The following HINT1 variants were observed in gnomAD, a reference collection of about 807,000 sequenced individuals.
HINT1 encodes the protein adenosine 5'-monophosphoramidase HINT1.
In HINT1, 12 loss-of-function variants were observed where a neutral mutation model predicts 11.2. That is an observed-to-expected ratio of 1.07 (90% CI 0.69 to 1.74). HINT1 has a LOEUF of 1.74. Ranked by LOEUF, HINT1 falls within the 40% of genes most tolerant of loss-of-function variation. The probability of loss-of-function intolerance (pLI) is 0.00; values close to 1 mark genes in which losing one functional copy is unlikely to be tolerated. For missense variants in HINT1, 150 were observed against 161.8 expected, an observed-to-expected ratio of 0.93 and a Z score of 0.40; for synonymous variants, 42 against 52.6, an observed-to-expected ratio of 0.80 and a Z score of 0.87.
rs2149654884 is a variant in HINT1, at chr5:131,165,106, CA to C, written c.99del (p.Phe33LeufsTer22). 1 of 1,613,728 alleles carries C rather than the reference CA, an allele frequency of 6.2e-7. No homozygotes were observed. Among genetic ancestry groups the C allele is most frequent in the Non-Finnish European group, 8.5e-7 (1 of 1,179,912 alleles). ...IRKEIPAKII[F>X]EDDRCLAFHD... ...TGCCCAGTACCTACCCGGTCATCCTCAAAAATGATTTTGGCTGGTATTTCCT... is the reference window on the plus strand; with the variant it reads ...TGCCCAGTACCTACCCGGTCATCCTCAAAATGATTTTGGCTGGTATTTCCT... On this transcript the variant is annotated frameshift_variant, in exon 1 of 3. Coordinates refer to ENST00000304043, the MANE Select transcript of HINT1 (RefSeq NM_005340.7). LOFTEE classifies it high-confidence loss of function.
intron 1 of HINT1, among the ~76,000 whole-genome samples, chr5:131,164,371 G>A (rs6897024): frequency 0.011 from 1,622 of 152,316 alleles, 17 homozygotes; most frequent in African/African-American, 0.036. Flanking sequence ...AATACAAAAA[G>A]AATCATTCAG....
intron 1 of HINT1, 185 bp downstream of exon 1, chr5:131,164,910 C>G: frequency 1.4e-6 from 1 of 734,104 alleles, no homozygotes; most frequent in Middle Eastern, 4.1e-4. Context: ...CGCCGGCACG[C>G]GCCGGCAGGC....
Position 131,159,302 on chromosome 5 carries a change from C to T in HINT1, c.*145G>A, listed in dbSNP as rs1051532170. On this transcript the variant is annotated 3_prime_UTR_variant, in exon 3 of 3. Coordinates refer to ENST00000304043, the MANE Select transcript of HINT1 (RefSeq NM_005340.7). ...CTCAGAGAGACTATAAGCCATGCAA[C>T]AATGTCTTTTATTATGTATGCGGTT... is the stretch of plus-strand genomic sequence containing the variant. The T allele has an allele frequency of 2.2e-5, 13 of 594,932 alleles. No homozygotes were observed. In the Admixed American group the frequency reaches 2.8e-4, roughly 13 times the overall value. The allele number at this position is 594,932 out of a possible 1,614,324, so 36.9% of individuals were successfully genotyped here. A position where few individuals can be genotyped will look rare whatever the true frequency, so the allele number is the denominator to read the frequency against.
intron 1 of HINT1, 102 bp from the exon 2 acceptor site, chr5:131,162,778 C>T (rs2149653264): frequency 1.4e-6 from 1 of 693,186 alleles, no homozygotes; most frequent in East Asian, 2.7e-5. Flanking sequence ...ACATGGAGGG[C>T]ACTAGATGCT....
intron 2 of HINT1, among the ~76,000 whole-genome samples, chr5:131,160,187 T>C (rs1168882895): frequency 1.3e-5 from 2 of 152,208 alleles, no homozygotes; most frequent in East Asian, 3.8e-4. Context: ...AAGTGCTGTT[T>C]TAAGTTTTCT....
chr5:131,163,088 C>T (rs529451751), intron 1 of HINT1, among the ~76,000 whole-genome samples: 1 of 152,290 alleles, frequency 6.6e-6, no homozygotes, highest in South Asian at 2.1e-4. Flanking sequence ...CCACCTGCCT[C>T]GGCCTCCCAG....
chr5:131,162,319 A>C (rs1755273579), intron 2 of HINT1: 1 of 145,226 alleles, frequency 6.9e-6, no homozygotes, highest in African/African-American at 3.8e-5. Flanking sequence ...ACTCTGTCTC[A>C]AAAAAAAAAA....
Position 131,164,194 on chromosome 5 carries a change from A to C in HINT1, c.111+901T>G, listed in dbSNP as rs571631808. ...CTGTTTACAAAATTTGTTCTATCTA[A>C]ATCAGCCAATCTGCCCAGCTTTATC... On this transcript the variant is annotated intron_variant, in intron 1 of 2. Transcript: ENST00000304043. Among the ~76,000 whole-genome samples the C allele has an allele frequency of 3.3e-5, 5 of 152,300 alleles. No individual in the cohort carries two copies. The East Asian group carries it at 5.8e-4, about 18-fold the overall frequency.
intron 1 of HINT1, among the ~76,000 whole-genome samples, chr5:131,163,778 T>C (rs1338191021): frequency 2.6e-5 from 4 of 152,236 alleles, no homozygotes; most frequent in Non-Finnish European, 4.4e-5. Context: ...TAAATACACA[T>C]ATGACATGAA....
intron 2 of HINT1, chr5:131,160,878 T>G (rs1246834319): frequency 2.2e-6 from 1 of 456,376 alleles, no homozygotes; most frequent in Non-Finnish European, 4.4e-6. Context: ...TAGATGATTT[T>G]GCCCAACTGT....
intron 2 of HINT1, among the ~76,000 whole-genome samples, chr5:131,160,108 CT>C (rs1755212044): frequency 6.6e-6 from 1 of 152,106 alleles, no homozygotes; most frequent in African/African-American, 2.4e-5. Context: ...CCCACCTTAA[CT>C]TCCAAAGTGC....
Position 131,161,463 on chromosome 5 carries a change from G to A in HINT1, c.216+1109C>T, listed in dbSNP as rs770491178. 5.1e-4 allele frequency among the ~76,000 whole-genome samples: 77 copies of A among 152,094 alleles called. 1 individual carries two copies. The highest frequency in any genetic ancestry group is 3.4e-3 in the Middle Eastern group (1 of 294). ...TACTAAAAATACAAATAAGCCAGGC[G>A]TGATGGCATGCCTGTAATCCCAGCT... is the stretch of plus-strand genomic sequence containing the variant. On this transcript the variant is annotated intron_variant, in intron 2 of 2. Coordinates refer to ENST00000304043, the MANE Select transcript of HINT1 (RefSeq NM_005340.7).
rs886587173 is a variant in HINT1 at position 131,163,218 on chromosome 5, G to A, written c.112-542C>T. Among the ~76,000 whole-genome samples, 3 of 152,186 alleles carry A rather than the reference G, an allele frequency of 2.0e-5. No individual in the cohort carries two copies. In the East Asian group the frequency reaches 5.8e-4, roughly 29 times the overall value. On this transcript the variant is annotated intron_variant, in intron 1 of 2. Coordinates refer to ENST00000304043, the MANE Select transcript of HINT1 (RefSeq NM_005340.7). ...CATGTTACAAAGGAAAAATATGAAT[G>A]ATCATTACAGGAAAAGCCTGATTTA... is the stretch of plus-strand genomic sequence containing the variant.
intron 1 of HINT1, 137 bp downstream of exon 1, chr5:131,164,958 G>C: frequency 7.8e-7 from 1 of 1,281,136 alleles, no homozygotes; most frequent in African/African-American, 1.5e-5. Context: ...CTGGCTGGGG[G>C]CCCGCTGGAC....
intron 2 of HINT1, chr5:131,162,260 T>C: frequency 1.6e-6 from 1 of 606,688 alleles, no homozygotes; most frequent in Non-Finnish European, 2.9e-6. Context: ...GAGGTGGAGC[T>C]TGCAGTGAGC....
Position 131,159,602 on chromosome 5 carries a change from G to C in HINT1, c.226C>G (p.His76Asp). The C allele has an allele frequency of 6.2e-7, 1 of 1,608,814 alleles. No individual in the cohort carries two copies. Residue 76 changes from histidine to aspartate, a missense_variant, in exon 3 of 3, where the codon CAC becomes GAC. Coordinates refer to ENST00000304043, the MANE Select transcript of HINT1 (RefSeq NM_005340.7). Reference sequence around the variant, plus strand: ...CATTTCTTGCCAACAATCATTAAGTGTCCAAGAAGCTGGAAAAGGAAAAAA... The same window carrying C: ...CATTTCTTGCCAACAATCATTAAGTCTCCAAGAAGCTGGAAAAGGAAAAAA... ...AEDDDESLLG[H>D]LMIVGKKCAA...
At chr5:131,162,523 C>A in intron 2 of HINT1, 49 bp downstream of exon 2, 1 of 1,608,612 alleles carries the variant, frequency 6.2e-7, no homozygotes, top group East Asian at 2.2e-5. Flanking sequence ...CAAAATTAAT[C>A]TCACAATTTA....
chr5:131,164,617 T>C (rs909218496), intron 1 of HINT1, among the ~76,000 whole-genome samples: 4 of 152,138 alleles, frequency 2.6e-5, no homozygotes, highest in Non-Finnish European at 4.4e-5. Flanking sequence ...AATGCCTTGC[T>C]GAGCAGCGCC....
Position 131,165,135 on chromosome 5 carries a change from C to T in HINT1, c.71G>A (p.Arg24His). 1 of 1,613,118 alleles carries T rather than the reference C, an allele frequency of 6.2e-7. No individual in the cohort carries two copies. The highest frequency in any genetic ancestry group is 8.5e-7 in the Non-Finnish European group (1 of 1,179,912). ...AATGATTTTGGCTGGTATTTCCTTG[C>T]GGATGATCTTCCCAAAGATCGTGTC... ...GGDTIFGKII[R>H]KEIPAKIIFE... is the part of the protein sequence containing the mutation. The change falls in exon 1 of 3, where the codon CGC (arginine) becomes CAC (histidine). Residue 24 changes from arginine (R) to histidine (H), a missense_variant. Transcript: ENST00000304043.
Sources: gnomAD v4.1 joint callset for allele counts (sites outside exome capture counted in the v4.1 genomes callset) on GRCh38, gnomAD v4.1.1 for gene constraint, MANE v1.5 for transcripts, NCBI Gene and HGNC (gene_info 2026-07-23, HGNC 2026-07-21) for gene names.